Variants in PKP2 observed in about 807,000 individuals in gnomAD.
PKP2 encodes plakophilin-2.
In PKP2, 73 loss-of-function variants were observed where a neutral mutation model predicts 83.4. That is an observed-to-expected ratio of 0.88 (90% CI 0.72 to 1.06). The LOEUF is 1.06. Among genes scored for constraint, PKP2 ranks in the 50% least tolerant of loss-of-function variants. The probability of loss-of-function intolerance (pLI) is 0.00; values close to 1 mark genes in which losing one functional copy is unlikely to be tolerated. For missense variants in PKP2, 966 were observed against 1,065.4 expected (o/e 0.91, Z 1.30); for synonymous variants, 409 against 430.4 (o/e 0.95, Z 0.62).
intron 9 of PKP2, among the ~76,000 whole-genome samples, chr12:32,818,019 A>T (rs1956336039): frequency 6.6e-6 from 1 of 152,182 alleles, no homozygotes; most frequent in Non-Finnish European, 1.5e-5. Context: ...CTAAGATGGA[A>T]CAGTTTCATC....
chr12:32,853,312 T>C (rs1956717170), intron 4 of PKP2, among the ~76,000 whole-genome samples: 1 of 149,350 alleles, frequency 6.7e-6, no homozygotes, highest in South Asian at 2.1e-4. Context: ...TTCCAAAATC[T>C]GAAAAACCCT....
At chr12:32,873,614 C>T (rs985249357) in intron 3 of PKP2, among the ~76,000 whole-genome samples, 8 of 151,926 alleles carry the variant, frequency 5.3e-5, no homozygotes, top group African/African-American at 1.9e-4. Flanking sequence ...ATTGCAACCT[C>T]CGCCTCCTGG....
intron 1 of PKP2, among the ~76,000 whole-genome samples, chr12:32,895,554 G>T: frequency 6.6e-6 from 1 of 152,100 alleles, no homozygotes; most frequent in Non-Finnish European, 1.5e-5. Flanking sequence ...TTTGCTATAA[G>T]CCAACATAGT....
In PKP2 at chr12:32,880,236, C is replaced by A. The variant is rs1166997448; in HGVS notation, c.224-1204G>T. Among the ~76,000 whole-genome samples, 3 of 151,728 alleles carry A rather than the reference C, an allele frequency of 2.0e-5. No homozygotes were observed. The East Asian group carries it at 5.8e-4, about 29-fold the overall frequency. ...GCCAACATGGTGAAACCGGTCTCTC[C>A]TAAAAATACAAAAATTAGTCGGGGG... is the stretch of plus-strand genomic sequence containing the variant. On this transcript the variant is annotated intron_variant, in intron 1 of 12. Transcript: ENST00000340811.
At chr12:32,801,650 C>T (rs180832090) in intron 10 of PKP2, among the ~76,000 whole-genome samples, 18 of 152,052 alleles carry the variant, frequency 1.2e-4, no homozygotes, top group East Asian at 3.9e-4. Flanking sequence ...TGTGAAAAAC[C>T]GAATTTGAGT....
At chr12:32,831,574 T>C (rs1361618224) in intron 6 of PKP2, among the ~76,000 whole-genome samples, 1 of 151,586 alleles carries the variant, frequency 6.6e-6, no homozygotes, top group Admixed American at 6.6e-5. Flanking sequence ...AGAGTCCACT[T>C]GATATAATGA....
intron 3 of PKP2, among the ~76,000 whole-genome samples, chr12:32,871,437 A>G (rs1956895844): frequency 6.6e-6 from 1 of 151,632 alleles, no homozygotes; most frequent in Non-Finnish European, 1.5e-5. Flanking sequence ...CTGGGACTAC[A>G]GGTGCACGCC....
intron 9 of PKP2, among the ~76,000 whole-genome samples, chr12:32,803,451 T>C (rs1412203621): frequency 2.0e-5 from 3 of 152,248 alleles, no homozygotes; most frequent in Non-Finnish European, 4.4e-5. Context: ...TCTGTGTTTA[T>C]AAATAAAATG....
chr12:32,845,977 TAAAG>T (rs1371629047), intron 5 of PKP2, among the ~76,000 whole-genome samples: 4 of 152,166 alleles, frequency 2.6e-5, no homozygotes, highest in Non-Finnish European at 4.4e-5. Context: ...TACAATTACT[TAAAG>T]AAAGTGCATA....
intron 5 of PKP2, among the ~76,000 whole-genome samples, chr12:32,848,347 C>T (rs947528608): frequency 1.3e-4 from 20 of 152,144 alleles, no homozygotes; most frequent in Non-Finnish European, 2.4e-4. Context: ...ATTGCTTGAA[C>T]CCTGGAACCA....
chr12:32,834,743 A>G (rs1430761624), intron 6 of PKP2, among the ~76,000 whole-genome samples: 1 of 152,132 alleles, frequency 6.6e-6, no homozygotes, highest in Non-Finnish European at 1.5e-5. Flanking sequence ...AAAGAGGAGG[A>G]AAGAAGCTAT....
Position 32,798,357 on chromosome 12 carries a change from C to T in PKP2, c.2168-2059G>A, listed in dbSNP as rs568694881. ...CTGCCCGCCTCAGCCTCCCAAACTG[C>T]TGGGATTACAGGCGTGAGCCACTGC... On this transcript the variant is annotated intron_variant, in intron 10 of 12. Coordinates refer to ENST00000340811, the MANE Select transcript of PKP2 (RefSeq NM_001005242.3). Among the ~76,000 whole-genome samples the T allele has an allele frequency of 2.0e-5, 3 of 152,076 alleles. No homozygotes were observed. The East Asian group carries it at 5.8e-4, about 29-fold the overall frequency.
At chr12:32,824,483 A>T in intron 6 of PKP2, 2 of 358,702 alleles carry the variant, frequency 5.6e-6, no homozygotes, top group South Asian at 4.8e-5. Context: ...CAACTAGAAC[A>T]AGAGCAAATG....
Position 32,862,646 on chromosome 12 carries a change from AAAAAG to A in PKP2, c.1170+6276_1170+6280del, listed in dbSNP as rs544796986. On this transcript the variant is annotated intron_variant, in intron 4 of 12. Coordinates refer to ENST00000340811, the MANE Select transcript of PKP2 (RefSeq NM_001005242.3). Reference sequence around the variant, plus strand: ...GGCAACAAGAGCGAAACTCCGTCTCAAAAAGAAAAGAAAAGAAAAGAAAATTCTTC... The same window carrying A: ...GGCAACAAGAGCGAAACTCCGTCTCAAAAAGAAAAGAAAAGAAAATTCTTC... Among the ~76,000 whole-genome samples, 128 of 151,180 alleles carry A rather than the reference AAAAAG, an allele frequency of 8.5e-4. 1 individual carries two copies. Among genetic ancestry groups the A allele is most frequent in the African/African-American group, 2.9e-3 (119 of 41,126 alleles).
intron 2 of PKP2, 116 bp from the exon 3 acceptor site, chr12:32,878,659 A>G: frequency 1.1e-6 from 1 of 913,046 alleles, no homozygotes; most frequent in South Asian, 1.6e-5. Flanking sequence ...TCAGATGACG[A>G]GAAGTTTGCC....
chr12:32,821,562 G>A (rs756516987), intron 8 of PKP2, 33 bp from the exon 9 acceptor site: 1 of 1,605,180 alleles, frequency 6.2e-7, no homozygotes, highest in Non-Finnish European at 8.5e-7. Context: ...CAGAATTAAT[G>A]CATGTCAGGT....
In PKP2 at chr12:32,877,759, C is replaced by A. The variant is rs1480099752; in HGVS notation, c.1034+87G>T. ...TATCTCTGGAAGCCCTTCTCTCAAG[C>A]CCCAGAAGTGCCAGCTCATGCTGTC... On this transcript the variant is annotated intron_variant, in intron 3 of 12. Transcript: ENST00000340811. The A allele has an allele frequency of 4.1e-5, 40 of 975,228 alleles. No individual in the cohort carries two copies. In the Admixed American group the frequency reaches 7.3e-4, roughly 18 times the overall value. The allele number at this position is 975,228 out of a possible 1,614,324, so 60.4% of individuals were successfully genotyped here. A position where few individuals can be genotyped will look rare whatever the true frequency, so the allele number is the denominator to read the frequency against.
chr12:32,869,779 C>T (rs373198489), intron 3 of PKP2, among the ~76,000 whole-genome samples: 14 of 151,952 alleles, frequency 9.2e-5, no homozygotes, highest in Admixed American at 3.9e-4. Context: ...CAGCACTTTG[C>T]GAGGGCAAGG....
intron 11 of PKP2, among the ~76,000 whole-genome samples, chr12:32,794,859 G>A (rs889343619): frequency 7.2e-5 from 11 of 152,144 alleles, no homozygotes; most frequent in Admixed American, 6.5e-4. Context: ...TTCCTTCCTT[G>A]TGTGCACTGC....
Sources: gnomAD v4.1 joint callset for allele counts (sites outside exome capture counted in the v4.1 genomes callset) on GRCh38, gnomAD v4.1.1 for gene constraint, MANE v1.5 for transcripts, NCBI Gene and HGNC (gene_info 2026-07-23, HGNC 2026-07-21) for gene names.